Variants in SPATA6L observed in about 807,000 individuals in gnomAD.
SPATA6L encodes the protein spermatogenesis associated 6-like protein.
SPATA6L carries 68 observed loss-of-function variants against 49.2 expected under a neutral mutation model. That is an observed-to-expected ratio of 1.38 (90% CI 1.14 to 1.69). The LOEUF (loss-of-function observed/expected upper bound fraction) is 1.69. SPATA6L is among the 40% of genes most tolerant of loss of function. The pLI, the probability that SPATA6L is intolerant of heterozygous loss-of-function variation, is 0.00. For missense variants in SPATA6L, 668 were observed against 464.3 expected, an observed-to-expected ratio of 1.44 and a Z score of -4.03; for synonymous variants, 198 against 165.7, an observed-to-expected ratio of 1.19 and a Z score of -1.50.
intron 9 of SPATA6L, chr9:4,617,419 G>T (rs891901602): frequency 1.3e-5 from 2 of 152,252 alleles, no homozygotes; most frequent in Non-Finnish European, 2.9e-5. Context: ...AGAGAGTGCT[G>T]TTTGGCAAAT....
downstream of SPATA6L, among the ~76,000 whole-genome samples, chr9:4,593,332 C>G (rs376532376): frequency 1.3e-5 from 2 of 152,132 alleles, no homozygotes; most frequent in African/African-American, 2.4e-5. Context: ...TTAAATATGT[C>G]TAGATTATCT....
At position 4,662,545 on chromosome 9, in the gene SPATA6L, G is replaced by C; in HGVS notation, c.40-509C>G. ...ACGGCCGTGGACCCCACCTGCGCCC[G>C]GCTCCGTGCATCGGAGAGCCCAGTT... On this transcript the variant is annotated intron_variant, in intron 1 of 11. Coordinates refer to ENST00000682582, the MANE Select transcript of SPATA6L (RefSeq NM_001353486.2). This position sits in a 1 kb window ranked among gnomAD's most constrained non-coding sequence, Gnocchi z 4.9. 1 of 1,571,532 alleles carries C rather than the reference G, an allele frequency of 6.4e-7. No individual in the cohort carries two copies. The highest frequency in any genetic ancestry group is 8.6e-7 in the Non-Finnish European group (1 of 1,168,128).
At chr9:4,593,659 C>A (rs1483980635), downstream of SPATA6L, among the ~76,000 whole-genome samples, 1 of 152,212 alleles carries the variant, frequency 6.6e-6, no homozygotes, top group Non-Finnish European at 1.5e-5. Flanking sequence ...CAGTGCCCTG[C>A]TCATGAAATC....
intron 9 of SPATA6L, 147 bp downstream of exon 9, chr9:4,617,776 A>T: frequency 1.5e-6 from 1 of 646,062 alleles, no homozygotes; most frequent in Non-Finnish European, 2.4e-6. Flanking sequence ...ACTTTTGGGT[A>T]GATTTTAAAA....
At chr9:4,645,963 G>C (rs1273763346) in intron 3 of SPATA6L, among the ~76,000 whole-genome samples, 1 of 152,182 alleles carries the variant, frequency 6.6e-6, no homozygotes, top group Non-Finnish European at 1.5e-5. Context: ...TTGTACATTT[G>C]AAAATGACGA....
At chr9:4,621,649 C>T (rs550288370) in intron 7 of SPATA6L, among the ~76,000 whole-genome samples, 5 of 152,192 alleles carry the variant, frequency 3.3e-5, no homozygotes, top group South Asian at 2.1e-4. Context: ...CCACCACGCC[C>T]GGCTAATTTT....
chr9:4,644,683 TCTCACACACACACACA>T (rs1178819200), intron 3 of SPATA6L, among the ~76,000 whole-genome samples: 3,876 of 136,230 alleles, frequency 0.028, 75 homozygotes, highest in Middle Eastern at 0.071. Context: ...TCTCTCTCTC[TCTCACACACACACACA>T]CACACACACA....
chr9:4,656,115 AT>A (rs1201696705), intron 2 of SPATA6L, 26 bp from the exon 3 acceptor site: 1 of 1,600,574 alleles, frequency 6.2e-7, no homozygotes, highest in South Asian at 1.1e-5. Flanking sequence ...GGGAAAATAA[AT>A]TTTCAAAGTT....
chr9:4,664,548 G>C (rs1328299351), intron 1 of SPATA6L: 1 of 167,028 alleles, frequency 6.0e-6, no homozygotes, highest in African/African-American at 2.4e-5. Flanking sequence ...ACCAAACGCA[G>C]GGTGGACTCT....
intron 9 of SPATA6L, among the ~76,000 whole-genome samples, chr9:4,611,451 C>T (rs979634191): frequency 3.3e-5 from 5 of 149,332 alleles, no homozygotes; most frequent in African/African-American, 7.7e-5. Context: ...ATATATACCA[C>T]GGAATACTAT....
downstream of SPATA6L, among the ~76,000 whole-genome samples, chr9:4,597,183 T>G (rs1437463915): frequency 6.6e-6 from 1 of 152,132 alleles, no homozygotes; most frequent in East Asian, 1.9e-4. Flanking sequence ...AGGGGCGCAG[T>G]GGCTCATACC....
chr9:4,644,683 TCTCACACACACACA>T (rs1357949977), intron 3 of SPATA6L, among the ~76,000 whole-genome samples: 16 of 136,332 alleles, frequency 1.2e-4, no homozygotes, highest in Non-Finnish European at 1.7e-4. Context: ...TCTCTCTCTC[TCTCACACACACACA>T]CACACACACA....
intron 9 of SPATA6L, among the ~76,000 whole-genome samples, chr9:4,610,905 A>T (rs1485816479): frequency 6.6e-6 from 1 of 150,732 alleles, no homozygotes; most frequent in African/African-American, 2.4e-5. Flanking sequence ...TCATCTGACA[A>T]AGGGCTAATA....
chr9:4,654,914 A>G (rs1837766996), intron 3 of SPATA6L, among the ~76,000 whole-genome samples: 1 of 152,068 alleles, frequency 6.6e-6, no homozygotes, highest in Non-Finnish European at 1.5e-5. Context: ...GTGGGGATGG[A>G]GCCCTAGCCA....
intron 3 of SPATA6L, among the ~76,000 whole-genome samples, chr9:4,648,464 C>G (rs1302750684): frequency 2.0e-5 from 3 of 152,056 alleles, no homozygotes; most frequent in African/African-American, 4.8e-5. Flanking sequence ...CTTTGGGAGG[C>G]CGAGGCGGGC....
chr9:4,663,755 G>A (rs1468585079), intron 1 of SPATA6L: 1 of 167,128 alleles, frequency 6.0e-6, no homozygotes, highest in Non-Finnish European at 1.5e-5. Context: ...CAAGACATAG[G>A]TTTTTCTAGT....
chr9:4,642,992 T>C (rs1322891593), intron 3 of SPATA6L, among the ~76,000 whole-genome samples: 1 of 152,166 alleles, frequency 6.6e-6, no homozygotes, highest in African/African-American at 2.4e-5. Context: ...GATCATAAAA[T>C]AGGATAAAAT....
intron 2 of SPATA6L, among the ~76,000 whole-genome samples, chr9:4,659,550 G>T (rs6476889): frequency 7.9e-5 from 12 of 151,704 alleles, no homozygotes; most frequent in African/African-American, 2.9e-4. Context: ...AACGGAAGAA[G>T]ATTCCATGCT....
chr9:4,661,386 C>G (rs1024502170), intron 2 of SPATA6L, among the ~76,000 whole-genome samples: 8 of 152,120 alleles, frequency 5.3e-5, no homozygotes, highest in Non-Finnish European at 1.5e-5. Flanking sequence ...ATGTTATTCA[C>G]CAGAATGGAA....
Sources: gnomAD v4.1 joint callset for allele counts (sites outside exome capture counted in the v4.1 genomes callset) on GRCh38, gnomAD v4.1.1 for gene constraint, Gnocchi (gnomAD v3.1) non-coding constraint, MANE v1.5 for transcripts, NCBI Gene and HGNC (gene_info 2026-07-23, HGNC 2026-07-21) for gene names.